Variants in LILRB5 observed in about 807,000 individuals in gnomAD.
LILRB5 encodes the protein leukocyte immunoglobulin-like receptor subfamily B member 5.
LILRB5 carries 61 observed loss-of-function variants against 68.4 expected under a neutral mutation model. The observed-to-expected ratio is 0.89, with a 90% confidence interval of 0.73 to 1.10. The LOEUF (loss-of-function observed/expected upper bound fraction) is 1.10, where lower values mean the gene tolerates loss of function less well. Ranked by LOEUF, LILRB5 falls within the 50% of genes least tolerant of loss-of-function variation. The pLI is 0.00. For missense variants in LILRB5, 771 were observed against 751.6 expected (o/e 1.03, Z -0.30); for synonymous variants, 356 against 315.8 (o/e 1.13, Z -1.35).
intron 2 of LILRB5, 70 bp downstream of exon 2, chr19:54,256,891 C>T (rs1163086795): frequency 5.6e-6 from 9 of 1,612,176 alleles, no homozygotes; most frequent in Admixed American, 1.7e-5. Flanking sequence ...TCTCCACCCC[C>T]AGCTGCCCGG....
chr19:54,254,962 A>C lies in LILRB5; in HGVS notation c.1028T>G (p.Leu343Arg). The change falls in exon 6 of 13, where the codon CTG (leucine) becomes CGG (arginine). Residue 343 changes from leucine (L) to arginine (R), a missense_variant. Transcript: ENST00000449561. ...GTCTATCTGATGCCATGACTGACAC[A>C]GCAGGGTCACGTTCTCTCCTGAGGC... The part of the protein sequence containing the change: ...KVASGENVTL[L>R]CQSWHQIDTF... 1 of 1,613,976 alleles carries C rather than the reference A, an allele frequency of 6.2e-7. No homozygotes were observed. The highest frequency in any genetic ancestry group is 8.5e-7 in the Non-Finnish European group (1 of 1,179,932).
At chr19:54,253,717 C>T in intron 8 of LILRB5, 1 of 1,056,414 alleles carries the variant, frequency 9.5e-7, no homozygotes. Flanking sequence ...ACCCGCAGCC[C>T]TTGTTCTCTG....
At chr19:54,256,879 T>C in intron 2 of LILRB5, 82 bp downstream of exon 2, 2 of 1,611,146 alleles carry the variant, frequency 1.2e-6, no homozygotes, top group African/African-American at 1.3e-5. Context: ...CCAGAACAGC[T>C]ATCTCCACCC....
At position 54,250,599 on chromosome 19, in the gene LILRB5, T is replaced by C. The variant is rs1019692403; in HGVS notation, c.*187A>G. 4.6e-6 allele frequency: 3 copies of C among 658,548 alleles called. No individual in the cohort carries two copies. Among genetic ancestry groups the C allele is most frequent in the African/African-American group, 3.6e-5 (2 of 55,018 alleles). The allele number at this position is 658,548 out of a possible 1,614,324, so 40.8% of individuals were successfully genotyped here. ...GAAGTCTGTGGCTTCATTTCAAAAA[T>C]GCAAGGATATTAGTCATCTTTGACT... On this transcript the variant is annotated 3_prime_UTR_variant, in exon 13 of 13. Coordinates refer to ENST00000449561, the MANE Select transcript of LILRB5 (RefSeq NM_001081442.3).
At position 54,252,415 on chromosome 19, in the gene LILRB5, C is replaced by T; in HGVS notation, c.1539-12G>A. The stretch of plus-strand genomic sequence containing the variant: ...CAACTGGGCTGGCCCTGGGGGAGGA[C>T]ACGGGAGTGTGAGGGGCAGTGAGGG... On this transcript the variant is annotated splice_polypyrimidine_tract_variant and intron_variant, in intron 10 of 12. Transcript: ENST00000449561. 1 of 1,614,116 alleles carries T rather than the reference C, an allele frequency of 6.2e-7. No homozygotes were observed. The highest frequency in any genetic ancestry group is 8.5e-7 in the Non-Finnish European group (1 of 1,180,000).
rs1048578192 is a variant in LILRB5, at chr19:54,253,882, A to G, written c.1357+136T>C. The G allele has an allele frequency of 2.6e-6, 4 of 1,528,052 alleles. No homozygotes were observed. In the African/African-American group the frequency reaches 4.2e-5, roughly 16 times the overall value. 94.7% of individuals were successfully genotyped at this position (1,528,052 alleles called of 1,614,324 possible). On this transcript the variant is annotated intron_variant, in intron 8 of 12. Coordinates refer to ENST00000449561, the MANE Select transcript of LILRB5 (RefSeq NM_001081442.3). ...ATCAATGCAGGCCTCTCTCCTTTAC[A>G]CTTGGAGAAACTGAGGCCCAGGCAG...
Position 54,250,906 on chromosome 19 carries a change from A to G in LILRB5, c.1656T>C (p.Asp552=). ...AGCTGTGCAGCTGGGCGTAGGTCAC[A>G]TCCTGGGGGGCTTCAGATGCAGCAG... ...APAAASEAPQ[D]VTYAQLHSLT... The change falls in exon 13 of 13, where the codon GAT becomes GAC. Residue 552 remains aspartate (D), a synonymous_variant. Coordinates refer to ENST00000449561, the MANE Select transcript of LILRB5 (RefSeq NM_001081442.3). 1 of 1,571,574 alleles carries G rather than the reference A, an allele frequency of 6.4e-7. No homozygotes were observed. The highest frequency in any genetic ancestry group is 8.6e-7 in the Non-Finnish European group (1 of 1,157,922).
intron 11 of LILRB5, 31 bp from the exon 12 acceptor site, chr19:54,252,137 T>G (rs1430241023): frequency 2.5e-6 from 4 of 1,612,088 alleles, no homozygotes; most frequent in Non-Finnish European, 3.4e-6. Context: ...GTTCATCTCC[T>G]GGGAAGGTTC....
chr19:54,251,879 G>A (rs1415761064), intron 12 of LILRB5, 175 bp downstream of exon 12: 7 of 805,444 alleles, frequency 8.7e-6, no homozygotes, highest in Non-Finnish European at 1.6e-5. Context: ...AGGCCCACGA[G>A]GTCCCAGGAC....
rs2079110894 is a variant in LILRB5, at chr19:54,255,555, A to G, written c.683T>C (p.Ile228Thr). 6.2e-7 allele frequency: 1 copy of G among 1,613,716 alleles called. No individual in the cohort carries two copies. The highest frequency in any genetic ancestry group is 8.5e-7 in the Non-Finnish European group (1 of 1,179,766). The stretch of plus-strand genomic sequence containing the variant: ...GCGGGCCACGACAGAGCCCTGCGGG[A>G]TCAGGAGGGAGGGCTTCCTAGACAC... ...PGVSRKPSLL[I>T]PQGSVVARGG... is the part of the protein sequence containing the mutation. Residue 228 changes from isoleucine (I) to threonine (T), a missense_variant, in exon 5 of 13, where the codon ATC (isoleucine) becomes ACC (threonine). Ile to Thr is a moderately conservative substitution (Grantham distance 89, BLOSUM62 -1). Transcript: ENST00000449561.
Position 54,255,640 on chromosome 19 carries a change from C to T in LILRB5, c.656-58G>A, listed in dbSNP as rs532951148. 7 of 1,544,210 alleles carry T rather than the reference C, an allele frequency of 4.5e-6. No homozygotes were observed. In the African/African-American group the frequency reaches 9.5e-5, roughly 21 times the overall value. Reference sequence around the variant, plus strand: ...CTGGTTCCTCCCCCGCCCCTTCCTTCTCCCGTCCTGGCGTCCTGGCCCTGC... The same window carrying T: ...CTGGTTCCTCCCCCGCCCCTTCCTTTTCCCGTCCTGGCGTCCTGGCCCTGC... On this transcript the variant is annotated intron_variant, in intron 4 of 12. Transcript: ENST00000449561.
chr19:54,256,408 T>A, intron 3 of LILRB5, 66 bp from the exon 4 acceptor site: 1 of 1,591,746 alleles, frequency 6.3e-7, no homozygotes, highest in Non-Finnish European at 8.6e-7. Context: ...AGGGCTGGGC[T>A]GTGAGAGGTA....
intron 8 of LILRB5, chr19:54,253,807 G>A (rs1304098417): frequency 6.9e-7 from 1 of 1,459,854 alleles, no homozygotes; most frequent in Non-Finnish European, 9.2e-7. Context: ...CCCTGCCCCA[G>A]GTCACCGTCA....
At position 54,250,333 on chromosome 19, in the gene LILRB5, C is replaced by T. The variant is rs548750195; in HGVS notation, c.*453G>A. 7 of 163,338 alleles carry T rather than the reference C, an allele frequency of 4.3e-5. No homozygotes were observed. Among genetic ancestry groups the T allele is most frequent in the African/African-American group, 1.7e-4 (7 of 40,814 alleles). 10.1% of individuals were successfully genotyped at this position (163,338 alleles called of 1,614,324 possible). A position where few individuals can be genotyped will look rare whatever the true frequency, so the allele number is the denominator to read the frequency against. ...TTTCACGTAGCCCTCATTAGTAACTCCTCTTGTTATTTTTGTCCCCTTCCT... is the reference window on the plus strand; with the variant it reads ...TTTCACGTAGCCCTCATTAGTAACTTCTCTTGTTATTTTTGTCCCCTTCCT... On this transcript the variant is annotated 3_prime_UTR_variant, in exon 13 of 13. Transcript: ENST00000449561.
chr19:54,256,568 ACTG>A lies in LILRB5; in HGVS notation c.273_275del (p.Ser92del). The A allele has an allele frequency of 7.4e-6, 12 of 1,614,132 alleles. No individual in the cohort carries two copies. Among genetic ancestry groups the A allele is most frequent in the Non-Finnish European group, 1.0e-5 (12 of 1,179,998 alleles). ...CATAGTAGCAGCGGTATCGCCCTGC[ACTG>A]TCATACACCGTGGATGGAATGTGGA... On this transcript the variant is annotated inframe_deletion, in exon 3 of 13. Coordinates refer to ENST00000449561, the MANE Select transcript of LILRB5 (RefSeq NM_001081442.3).
rs960965198 is a variant in LILRB5 at position 54,256,281 on chromosome 19, A to G, written c.417T>C (p.Asn139=). ...LPSPVVASGG[N]VTLQCDTLDG... ...CCAGTGTATCACACTGGAGGGTCAC[A>G]TTTCCTCCTGAGGCCACCACAGGAC... The change falls in exon 4 of 13, where the codon AAT becomes AAC. Residue 139 remains asparagine (N), a synonymous_variant. Coordinates refer to ENST00000449561, the MANE Select transcript of LILRB5 (RefSeq NM_001081442.3). 1.6e-5 allele frequency: 26 copies of G among 1,613,422 alleles called. No homozygotes were observed. Among genetic ancestry groups the G allele is most frequent in the East Asian group, 2.2e-5 (1 of 44,874 alleles).
chr19:54,255,246 C>A, intron 5 of LILRB5, 40 bp downstream of exon 5: 1 of 1,603,206 alleles, frequency 6.2e-7, no homozygotes, highest in Non-Finnish European at 8.5e-7. Context: ...AGGACCTGTG[C>A]AGAGCCTGGG....
At chr19:54,256,465 T>C in intron 3 of LILRB5, 24 bp downstream of exon 3, 1 of 1,612,494 alleles carries the variant, frequency 6.2e-7, no homozygotes, top group South Asian at 1.1e-5. Flanking sequence ...AGCCTGGGGC[T>C]GGGACCCCTG....
chr19:54,257,262 C>T lies in LILRB5; in HGVS notation c.-69G>A. On this transcript the variant is annotated 5_prime_UTR_variant, in exon 1 of 13. Coordinates refer to ENST00000449561, the MANE Select transcript of LILRB5 (RefSeq NM_001081442.3). Reference sequence around the variant, plus strand: ...CACGGTGCCTGGCAGGACACAAAAACACGCAGAGTGTGGACTGGAGGCTGG... The same window carrying T: ...CACGGTGCCTGGCAGGACACAAAAATACGCAGAGTGTGGACTGGAGGCTGG... 6.3e-7 allele frequency: 1 copy of T among 1,599,968 alleles called. No individual in the cohort carries two copies. The highest frequency in any genetic ancestry group is 1.1e-5 in the South Asian group (1 of 90,738).
Sources: gnomAD v4.1 joint callset for allele counts on GRCh38, gnomAD v4.1.1 for gene constraint, MANE v1.5 for transcripts, NCBI Gene and HGNC (gene_info 2026-07-23, HGNC 2026-07-21) for gene names.